DAAM1: variants seen among roughly 807,000 people sequenced by gnomAD.
DAAM1 encodes disheveled-associated activator of morphogenesis 1.
A neutral mutation model predicts 130.0 loss-of-function variants in DAAM1; 52 were observed. That is an observed-to-expected ratio of 0.40 (90% CI 0.32 to 0.50). The LOEUF (loss-of-function observed/expected upper bound fraction) is 0.50. DAAM1 is among the 20% of genes least tolerant of loss of function. The probability of loss-of-function intolerance (pLI) is 0.61; values close to 1 mark genes in which losing one functional copy is unlikely to be tolerated. For synonymous variants in DAAM1, 452 were observed against 444.5 expected, an observed-to-expected ratio of 1.02 and a Z score of -0.21; for missense variants, 1,134 against 1,303.8, an observed-to-expected ratio of 0.87 and a Z score of 2.01.
intron 10 of DAAM1, 123 bp from the exon 11 acceptor site, chr14:59,326,387 T>C (rs1456268998): frequency 1.1e-6 from 1 of 947,960 alleles, no homozygotes; most frequent in Admixed American, 3.1e-5. Context: ...TTGGGAAGCA[T>C]TGGTGCAGAT....
intron 1 of DAAM1, among the ~76,000 whole-genome samples, chr14:59,250,007 T>G (rs1881562945): frequency 6.6e-6 from 1 of 152,232 alleles, no homozygotes. Flanking sequence ...TTTATGAACA[T>G]ACTAAAATCT....
chr14:59,355,447 T>G, intron 20 of DAAM1, 114 bp downstream of exon 20: 1 of 1,280,940 alleles, frequency 7.8e-7, no homozygotes, highest in Non-Finnish European at 1.1e-6. Flanking sequence ...CAGTTGGAAC[T>G]TCTCTTTCTC....
intron 8 of DAAM1, among the ~76,000 whole-genome samples, chr14:59,324,728 A>G (rs149203032): frequency 6.6e-6 from 1 of 152,302 alleles, no homozygotes; most frequent in African/African-American, 2.4e-5. Flanking sequence ...TATCCTGGTG[A>G]AGTTACTCAA....
intron 2 of DAAM1, among the ~76,000 whole-genome samples, chr14:59,280,840 T>C (rs1440302783): frequency 6.6e-6 from 1 of 152,156 alleles, no homozygotes; most frequent in Non-Finnish European, 1.5e-5. Flanking sequence ...GTGCAAACTT[T>C]CAGAAGTTGG....
rs146283545 is a variant in DAAM1, at chr14:59,367,665, G to A, written c.2997+66G>A. ...TTCTATGACTGCAGCCCAGTCAAAG[G>A]TATTTAGAGAGCACTCTGACCTGGC... On this transcript the variant is annotated intron_variant, in intron 24 of 24. Transcript: ENST00000360909. The A allele has an allele frequency of 2.1e-3, 3,284 of 1,537,358 alleles. 7 individuals are homozygous for A. Among genetic ancestry groups the A allele is most frequent in the Non-Finnish European group, 2.6e-3 (2,963 of 1,142,670 alleles).
intron 1 of DAAM1, among the ~76,000 whole-genome samples, chr14:59,258,457 G>A (rs1257840868): frequency 5.9e-5 from 9 of 152,180 alleles, no homozygotes; most frequent in Admixed American, 6.5e-5. Flanking sequence ...TATGAAATGG[G>A]GGTGATGAAA....
chr14:59,192,922 G>A (rs1360361985), intron 1 of DAAM1, among the ~76,000 whole-genome samples: 3 of 152,146 alleles, frequency 2.0e-5, no homozygotes, highest in East Asian at 1.9e-4. Flanking sequence ...GTGTGGTGGC[G>A]GGTGCCTGTA....
Position 59,291,219 on chromosome 14 carries a change from T to G in DAAM1, c.186T>G (p.Asp62Glu). The change falls in exon 3 of 25, where the codon GAT (aspartate) becomes GAG (glutamate). Residue 62 changes from aspartate (D) to glutamate (E), a missense_variant and splice_region_variant. Physicochemically the swap from Asp to Glu is conservative, Grantham distance 45 (BLOSUM62 2). Transcript: ENST00000360909. ...CTAATTATTTTCTTTCTTCTCAGGA[T>G]GAACTGGACCTCACAGACAAACACA... The part of the protein sequence containing the change: ...ELDVMFSELV[D>E]ELDLTDKHRE... 1.2e-6 allele frequency: 2 copies of G among 1,606,496 alleles called. No homozygotes were observed. Among genetic ancestry groups the G allele is most frequent in the Non-Finnish European group, 8.5e-7 (1 of 1,177,986 alleles).
At chr14:59,206,335 G>A (rs1489259504) in intron 1 of DAAM1, among the ~76,000 whole-genome samples, 1 of 152,008 alleles carries the variant, frequency 6.6e-6, no homozygotes, top group Non-Finnish European at 1.5e-5. Context: ...GAGTACAGTG[G>A]TGCGATCTCG....
In DAAM1 at chr14:59,213,587, C is replaced by T. The variant is rs563194526; in HGVS notation, c.-38+24819C>T. ...CCACCAGCTGTGAGTGCAGCACATA[C>T]TTATATGGAAAGAAAAATTGTTTAC... is the stretch of plus-strand genomic sequence containing the variant. On this transcript the variant is annotated intron_variant, in intron 1 of 24. Coordinates refer to ENST00000360909, the MANE Select transcript of DAAM1 (RefSeq NM_001270520.2). Among the ~76,000 whole-genome samples, 81 of 152,160 alleles carry T rather than the reference C, an allele frequency of 5.3e-4. 4 individuals carry two copies. The South Asian group carries it at 0.016, about 30-fold the overall frequency.
At chr14:59,321,885 C>T (rs575514931) in intron 5 of DAAM1, among the ~76,000 whole-genome samples, 1 of 152,290 alleles carries the variant, frequency 6.6e-6, no homozygotes, top group African/African-American at 2.4e-5. Context: ...AAATTTATCA[C>T]ATAAACAGGT....
rs1885128648 is a variant in DAAM1 at position 59,324,314 on chromosome 14, A to C, written c.886-37A>C. On this transcript the variant is annotated intron_variant, in intron 7 of 24. Coordinates refer to ENST00000360909, the MANE Select transcript of DAAM1 (RefSeq NM_001270520.2). ...AAAGTGATTATTATGTAGTCTAAAA[A>C]CCACAAATATGTATTTTATTGCCAT... The C allele has an allele frequency of 2.7e-6, 4 of 1,492,864 alleles. No individual in the cohort carries two copies. In the East Asian group the frequency reaches 9.6e-5, roughly 36 times the overall value. 92.5% of individuals were successfully genotyped at this position (1,492,864 alleles called of 1,614,324 possible). A position where few individuals can be genotyped will look rare whatever the true frequency, so the allele number is the denominator to read the frequency against.
At chr14:59,257,955 A>G (rs1434949837) in intron 1 of DAAM1, among the ~76,000 whole-genome samples, 1 of 152,178 alleles carries the variant, frequency 6.6e-6, no homozygotes, top group East Asian at 1.9e-4. Context: ...GCCATCCCTG[A>G]TCATACTATC....
At chr14:59,337,885 C>T (rs770393625) in intron 15 of DAAM1, among the ~76,000 whole-genome samples, 47 of 152,232 alleles carry the variant, frequency 3.1e-4, no homozygotes, top group Non-Finnish European at 6.8e-4. Context: ...TCAATCCTTC[C>T]TTATAACACA....
chr14:59,194,420 G>A (rs1887824020), intron 1 of DAAM1, among the ~76,000 whole-genome samples: 1 of 152,198 alleles, frequency 6.6e-6, no homozygotes. Context: ...ATTTGAAAAA[G>A]GAAATGCTCT....
intron 9 of DAAM1, 59 bp from the exon 10 acceptor site, chr14:59,325,901 A>C: frequency 6.4e-7 from 1 of 1,562,962 alleles, no homozygotes; most frequent in Non-Finnish European, 8.8e-7. Context: ...AGTTTACTTT[A>C]CACTGGGGAA....
rs1469100824 is a variant in DAAM1, at chr14:59,363,540, G to GTGTT, written c.2695-108_2695-105dup. The stretch of plus-strand genomic sequence containing the variant: ...AAAATGTTTTAGAACAAGTTTTGAT[G>GTGTT]TGTTTGCCATTCTGATTTATTAAAT... On this transcript the variant is annotated intron_variant, in intron 22 of 24. Transcript: ENST00000360909. 3.4e-6 allele frequency: 5 copies of GTGTT among 1,462,156 alleles called. No individual in the cohort carries two copies. In the African/African-American group the frequency reaches 4.2e-5, roughly 12 times the overall value. 90.6% of individuals were successfully genotyped at this position (1,462,156 alleles called of 1,614,324 possible). A position where few individuals can be genotyped will look rare whatever the true frequency, so the allele number is the denominator to read the frequency against.
At chr14:59,318,539 T>C (rs1333465575) in intron 4 of DAAM1, among the ~76,000 whole-genome samples, 3 of 151,232 alleles carry the variant, frequency 2.0e-5, no homozygotes, top group African/African-American at 7.3e-5. Context: ...CTCCCTTATC[T>C]ACTAAAAGTT....
rs561349168 is a variant in DAAM1, at chr14:59,263,514, T to A, written c.37T>A (p.Phe13Ile). ...PRKRGGRGIS[F>I]IFCCFRNNDH... ...AAAGAGAGGTGGACGAGGTATTTCA[T>A]TCATCTTTTGCTGTTTCCGAAATAA... The change falls in exon 2 of 25, where the codon TTC becomes ATC. Residue 13 changes from phenylalanine to isoleucine, a missense_variant. Physicochemically the swap from Phe to Ile is conservative, Grantham distance 21 (BLOSUM62 0). Around this residue, in one of 3 missense-constraint regions of DAAM1, gnomAD observed 99 missense variants for 86.4 expected, o/e 1.15. Transcript: ENST00000360909. 6.2e-7 allele frequency: 1 copy of A among 1,614,254 alleles called. No homozygotes were observed. Among genetic ancestry groups the A allele is most frequent in the Admixed American group, 1.7e-5 (1 of 60,028 alleles).
Sources: gnomAD v4.1 joint callset for allele counts (sites outside exome capture counted in the v4.1 genomes callset) on GRCh38, gnomAD v4.1.1 for gene constraint, gnomAD v4.1.1 regional missense constraint, MANE v1.5 for transcripts, NCBI Gene and HGNC (gene_info 2026-07-23, HGNC 2026-07-21) for gene names.